Variants in SLC10A7 observed in about 807,000 individuals in gnomAD.
SLC10A7 encodes sodium/bile acid cotransporter 7.
A neutral mutation model predicts 43.2 loss-of-function variants in SLC10A7; 29 were observed. The observed-to-expected ratio is 0.67, with a 90% confidence interval of 0.50 to 0.92. SLC10A7 has a LOEUF of 0.92. Among genes scored for constraint, SLC10A7 ranks in the 40% least tolerant of loss-of-function variants. SLC10A7 has a pLI of 0.00. For synonymous variants in SLC10A7, 152 were observed against 144.8 expected (o/e 1.05, Z -0.35); for missense variants, 295 against 403.2 (o/e 0.73, Z 2.30).
intron 10 of SLC10A7, among the ~76,000 whole-genome samples, chr4:146,280,276 A>C (rs1560757645): frequency 6.6e-6 from 1 of 152,204 alleles, no homozygotes; most frequent in Non-Finnish European, 1.5e-5. Context: ...TTATATTATA[A>C]TCTGTTATAT....
rs183979852 is a variant in SLC10A7 at position 146,510,040 on chromosome 4, T to G, written c.193A>C (p.Ser65Arg). Residue 65 changes from serine (S) to arginine (R), a missense_variant, in exon 3 of 12, where the codon AGT (serine) becomes CGT (arginine). Around this residue, in one of 2 missense-constraint regions of SLC10A7, gnomAD observed 242 missense variants for 362.5 expected, o/e 0.67. Coordinates refer to ENST00000335472, the MANE Select transcript of SLC10A7 (RefSeq NM_001029998.6). ...GLSLKTEELTSALVHLKLHLF... is the reference protein window; with the variant it reads ...GLSLKTEELTRALVHLKLHLF... Reference sequence around the variant, plus strand: ...TGCAGTTTTAGATGCACCAAAGCACTGGTCAGCTCCTGGAAAAATTAAGGA... The same window carrying G: ...TGCAGTTTTAGATGCACCAAAGCACGGGTCAGCTCCTGGAAAAATTAAGGA... 3.6e-5 allele frequency: 57 copies of G among 1,596,484 alleles called. No homozygotes were observed. The East Asian group carries it at 4.3e-4, about 12-fold the overall frequency.
intron 10 of SLC10A7, among the ~76,000 whole-genome samples, chr4:146,267,852 T>C (rs1728656665): frequency 2.0e-5 from 3 of 152,154 alleles, no homozygotes; most frequent in African/African-American, 7.2e-5. Flanking sequence ...AATTGCTAAA[T>C]AGAAAGCCAA....
chr4:146,350,928 G>T (rs1735042892), intron 5 of SLC10A7, among the ~76,000 whole-genome samples: 1 of 145,506 alleles, frequency 6.9e-6, no homozygotes, highest in South Asian at 2.2e-4. Flanking sequence ...CACAAAGATG[G>T]GGAAAAAACA....
intron 6 of SLC10A7, among the ~76,000 whole-genome samples, chr4:146,324,887 C>T (rs2149705908): frequency 1.3e-5 from 2 of 152,268 alleles, no homozygotes; most frequent in Middle Eastern, 3.4e-3. Flanking sequence ...ACTCTTCTTA[C>T]CTTGTCAAAA....
intron 4 of SLC10A7, among the ~76,000 whole-genome samples, chr4:146,472,641 G>A (rs1485372417): frequency 6.6e-6 from 1 of 152,042 alleles, no homozygotes; most frequent in African/African-American, 2.4e-5. Context: ...GGCCTCCTGT[G>A]CAGACCCTGG....
At chr4:146,480,702 T>A (rs1404100183) in intron 4 of SLC10A7, among the ~76,000 whole-genome samples, 1 of 152,088 alleles carries the variant, frequency 6.6e-6, no homozygotes, top group Non-Finnish European at 1.5e-5. Flanking sequence ...GTCTAGTAGA[T>A]AAATATGACA....
At chr4:146,509,834 A>G in intron 3 of SLC10A7, 79 bp downstream of exon 3, 2 of 1,365,308 alleles carry the variant, frequency 1.5e-6, no homozygotes, top group Non-Finnish European at 2.0e-6. Context: ...GCCCTTTTGT[A>G]TATAGTTGCC....
At chr4:146,392,012 T>G (rs1347189882) in intron 5 of SLC10A7, among the ~76,000 whole-genome samples, 1 of 152,222 alleles carries the variant, frequency 6.6e-6, no homozygotes, top group Non-Finnish European at 1.5e-5. Flanking sequence ...ACCCGCAGAT[T>G]CCAAGACATT....
intron 5 of SLC10A7, among the ~76,000 whole-genome samples, chr4:146,390,470 A>T (rs997689421): frequency 6.6e-6 from 1 of 152,140 alleles, no homozygotes; most frequent in Non-Finnish European, 1.5e-5. Context: ...CTCTACAAAA[A>T]ATACAAAAAA....
intron 5 of SLC10A7, among the ~76,000 whole-genome samples, chr4:146,327,989 G>A (rs1733266774): frequency 6.6e-6 from 1 of 152,186 alleles, no homozygotes; most frequent in Non-Finnish European, 1.5e-5. Context: ...TGCCACAAGT[G>A]CACTGGCACC....
intron 5 of SLC10A7, among the ~76,000 whole-genome samples, chr4:146,361,272 T>C (rs1736030553): frequency 6.6e-6 from 1 of 152,220 alleles, no homozygotes; most frequent in South Asian, 2.1e-4. Flanking sequence ...AAGTTAAAAA[T>C]GTTGGCAAAA....
chr4:146,299,874 T>C (rs1452920989), intron 7 of SLC10A7, among the ~76,000 whole-genome samples: 1 of 151,934 alleles, frequency 6.6e-6, no homozygotes, highest in Non-Finnish European at 1.5e-5. Flanking sequence ...AGAAGCGGGG[T>C]TGGGCCTTTG....
chr4:146,270,450 A>G (rs1728822910), intron 10 of SLC10A7, among the ~76,000 whole-genome samples: 1 of 152,222 alleles, frequency 6.6e-6, no homozygotes, highest in Admixed American at 6.5e-5. Flanking sequence ...GTAGAACATA[A>G]ATGCATACAG....
intron 5 of SLC10A7, among the ~76,000 whole-genome samples, chr4:146,335,978 C>T (rs760071222): frequency 4.1e-4 from 63 of 152,090 alleles, no homozygotes; most frequent in Non-Finnish European, 8.5e-4. Context: ...AGCTGAATAT[C>T]AGACTCCGCC....
intron 10 of SLC10A7, among the ~76,000 whole-genome samples, chr4:146,271,487 CTT>C (rs926000952): frequency 6.6e-6 from 1 of 152,178 alleles, no homozygotes; most frequent in African/African-American, 2.4e-5. Flanking sequence ...ACCCTAAACT[CTT>C]GTCTGGATAA....
At chr4:146,370,117 A>G (rs1344109822) in intron 5 of SLC10A7, among the ~76,000 whole-genome samples, 1 of 152,194 alleles carries the variant, frequency 6.6e-6, no homozygotes, top group Non-Finnish European at 1.5e-5. Context: ...GTTATTTGAT[A>G]TAATATGGTT....
intron 9 of SLC10A7, among the ~76,000 whole-genome samples, 169 bp downstream of exon 9, chr4:146,292,760 T>C (rs4516736): frequency 0.79 from 120,934 of 152,132 alleles, 49,052 homozygotes; most frequent in African/African-American, 0.94. Context: ...CCCTTTGTAA[T>C]GTCTACAATT....
chr4:146,472,757 CAG>C (rs1733685188), intron 4 of SLC10A7, among the ~76,000 whole-genome samples: 1 of 152,182 alleles, frequency 6.6e-6, no homozygotes, highest in Admixed American at 6.5e-5. Context: ...CTACAAAAGA[CAG>C]AAATCCATTT....
intron 4 of SLC10A7, among the ~76,000 whole-genome samples, chr4:146,503,257 G>C (rs57059263): frequency 6.6e-6 from 1 of 152,044 alleles, no homozygotes; most frequent in Non-Finnish European, 1.5e-5. Context: ...ATGAATGTCC[G>C]TCAGTATAAA....
Sources: gnomAD v4.1 joint callset for allele counts (sites outside exome capture counted in the v4.1 genomes callset) on GRCh38, gnomAD v4.1.1 for gene constraint, gnomAD v4.1.1 regional missense constraint, MANE v1.5 for transcripts, NCBI Gene and HGNC (gene_info 2026-07-23, HGNC 2026-07-21) for gene names.